KDM2B: variants seen among roughly 807,000 people sequenced by gnomAD.
The protein encoded by KDM2B is lysine-specific demethylase 2B.
KDM2B carries 26 observed loss-of-function variants against 150.0 expected under a neutral mutation model. The observed-to-expected ratio is 0.17, with a 90% CI of 0.13 to 0.24. KDM2B has a LOEUF of 0.24. Ranked by LOEUF, KDM2B falls within the 10% of genes least tolerant of loss-of-function variation. KDM2B has a pLI of 1.00. For missense variants in KDM2B, 1,265 were observed against 1,816.9 expected, an observed-to-expected ratio of 0.70 and a Z score of 5.52; for synonymous variants, 734 against 729.5, an observed-to-expected ratio of 1.01 and a Z score of -0.10.
rs1319854183 is a variant in KDM2B at position 121,467,388 on chromosome 12, G to C, written c.1735-14044C>G. 2.0e-6 allele frequency: 2 copies of C among 975,782 alleles called. No homozygotes were observed. Among genetic ancestry groups the C allele is most frequent in the Admixed American group, 1.3e-4 (2 of 15,816 alleles). 60.4% of individuals were successfully genotyped at this position (975,782 alleles called of 1,614,324 possible). A position where few individuals can be genotyped will look rare whatever the true frequency, so the allele number is the denominator to read the frequency against. On this transcript the variant is annotated intron_variant, in intron 12 of 22. Transcript: ENST00000377071. The surrounding 1 kb of genome is among the most constrained non-coding windows in gnomAD (Gnocchi z 5.1). ...CTCGCACGCCCGCGCTGGAGGGGGC[G>C]GGGAGGGGCCGGCGGGGGAGGGCCG...
At chr12:121,571,187 A>C (rs1171451149) in intron 4 of KDM2B, among the ~76,000 whole-genome samples, 1 of 152,214 alleles carries the variant, frequency 6.6e-6, no homozygotes, top group East Asian at 1.9e-4. Context: ...TCTAACAGCG[A>C]TGGGGGAATT....
intron 11 of KDM2B, among the ~76,000 whole-genome samples, chr12:121,508,416 C>A (rs1885288005): frequency 6.6e-6 from 1 of 152,142 alleles, no homozygotes; most frequent in Non-Finnish European, 1.5e-5. Flanking sequence ...ATATCTTTAT[C>A]CCAGGCCCAA....
Position 121,478,869 on chromosome 12 carries a change from TG to T in KDM2B, c.1734+15709del, listed in dbSNP as rs1881721406. Among the ~76,000 whole-genome samples, 3 of 141,788 alleles carry T rather than the reference TG, an allele frequency of 2.1e-5. 1 individual carries two copies. The highest frequency in any genetic ancestry group is 8.0e-5 in the African/African-American group (3 of 37,422). 93.0% of individuals were successfully genotyped at this position (141,788 alleles called of 152,430 possible). A position where few individuals can be genotyped will look rare whatever the true frequency, so the allele number is the denominator to read the frequency against. The stretch of plus-strand genomic sequence containing the variant: ...CAACCGGCTAATTTTTGTTTGTTTG[TG>T]TGTGTGTGTGTGTGTGTGTGTGTGT... On this transcript the variant is annotated intron_variant, in intron 12 of 22. Transcript: ENST00000377071.
At chr12:121,495,523 C>A (rs976367115) in intron 11 of KDM2B, among the ~76,000 whole-genome samples, 1 of 152,210 alleles carries the variant, frequency 6.6e-6, no homozygotes, top group African/African-American at 2.4e-5. Flanking sequence ...TTGTCTCAAA[C>A]TCCTGGCCTC....
chr12:121,437,591 A>G (rs1426553956), intron 22 of KDM2B, among the ~76,000 whole-genome samples: 1 of 152,230 alleles, frequency 6.6e-6, no homozygotes, highest in African/African-American at 2.4e-5. Context: ...AAACACTGGA[A>G]GAAAGAATTC....
intron 12 of KDM2B, among the ~76,000 whole-genome samples, chr12:121,454,118 TG>T (rs538839932): frequency 1.9e-4 from 29 of 149,024 alleles, no homozygotes; most frequent in African/African-American, 7.2e-4. Flanking sequence ...CCACCTGCAC[TG>T]GGTTCAGGGC....
chr12:121,504,824 T>C (rs1884899993), intron 11 of KDM2B, among the ~76,000 whole-genome samples: 1 of 151,698 alleles, frequency 6.6e-6, no homozygotes, highest in Non-Finnish European at 1.5e-5. Context: ...ACTTAAAATA[T>C]AAAAATTAGC....
chr12:121,467,254 A>T lies in KDM2B; in HGVS notation c.1735-13910T>A, dbSNP rs1406539766. The T allele has an allele frequency of 3.0e-6, 3 of 986,608 alleles. No homozygotes were observed. The highest frequency in any genetic ancestry group is 3.6e-6 in the Non-Finnish European group (3 of 832,738). The allele number at this position is 986,608 out of a possible 1,614,324, so 61.1% of individuals were successfully genotyped here. On this transcript the variant is annotated intron_variant, in intron 12 of 22. Transcript: ENST00000377071. This position sits in a 1 kb window ranked among gnomAD's most constrained non-coding sequence, Gnocchi z 5.1. ...GGCTCGCGCGCGCTGACATGGCTGG[A>T]GCGGCGCCGCCGCCGCCGCCCGCCC...
chr12:121,413,012 C>T, the KDM2B span, among the ~76,000 whole-genome samples: 1 of 145,362 alleles, frequency 6.9e-6, no homozygotes, highest in South Asian at 2.2e-4. Context: ...AGCCATTGTG[C>T]CCAGGCTATT....
chr12:121,462,309 T>G (rs1296532792), intron 12 of KDM2B, among the ~76,000 whole-genome samples: 1 of 152,034 alleles, frequency 6.6e-6, no homozygotes, highest in Non-Finnish European at 1.5e-5. Flanking sequence ...TTTTTTAATA[T>G]AGAGAGAGTA....
intron 12 of KDM2B, among the ~76,000 whole-genome samples, chr12:121,457,241 A>G (rs184274092): frequency 4.1e-4 from 62 of 152,246 alleles, no homozygotes; most frequent in South Asian, 1.5e-3. Flanking sequence ...AAAGTTTCAA[A>G]CGCCAATTCT....
At chr12:121,580,258 G>C (rs1473857563) in intron 1 of KDM2B, 17 of 1,267,200 alleles carry the variant, frequency 1.3e-5, no homozygotes, top group South Asian at 5.4e-5. Flanking sequence ...GTTGTGGGGG[G>C]GGGGAGGCGT....
chr12:121,504,860 T>C (rs1555302673), intron 11 of KDM2B, among the ~76,000 whole-genome samples: 1 of 152,110 alleles, frequency 6.6e-6, no homozygotes, highest in East Asian at 1.9e-4. Context: ...CTCACGCCTG[T>C]AATCCCAGCA....
At chr12:121,459,832 GA>G (rs1205908155) in intron 12 of KDM2B, among the ~76,000 whole-genome samples, 53 of 113,518 alleles carry the variant, frequency 4.7e-4, no homozygotes, top group South Asian at 8.5e-4. Context: ...CTCCATCTCA[GA>G]AAAAAAAAAA....
chr12:121,453,033 GGCGGCCAGAGCGAGCA>G lies in KDM2B; in HGVS notation c.1959+71_1959+86del. ...GCCCCGGCTTCTCTGTGTGCGGAGG[GGCGGCCAGAGCGAGCA>G]GCGGTCAGACACGCGGGCCGGCACG... On this transcript the variant is annotated intron_variant, in intron 13 of 22. Coordinates refer to ENST00000377071, the MANE Select transcript of KDM2B (RefSeq NM_032590.5). This position sits in a 1 kb window ranked among gnomAD's most constrained non-coding sequence, Gnocchi z 6.4. The G allele has an allele frequency of 8.3e-7, 1 of 1,199,610 alleles. No homozygotes were observed. The highest frequency in any genetic ancestry group is 2.6e-5 in the East Asian group (1 of 38,472). The allele number at this position is 1,199,610 out of a possible 1,614,324, so 74.3% of individuals were successfully genotyped here.
chr12:121,458,838 A>C (rs1234771598), intron 12 of KDM2B, among the ~76,000 whole-genome samples: 1 of 152,036 alleles, frequency 6.6e-6, no homozygotes, highest in Non-Finnish European at 1.5e-5. Context: ...CTGTAATCCC[A>C]GCACTTTGGG....
intron 11 of KDM2B, among the ~76,000 whole-genome samples, chr12:121,496,334 G>A (rs1011240656): frequency 4.6e-5 from 7 of 151,960 alleles, no homozygotes; most frequent in South Asian, 2.1e-4. Flanking sequence ...CATTTTTTCC[G>A]GACATTTAAG....
At chr12:121,531,584 CAG>C (rs1887663175) in intron 8 of KDM2B, among the ~76,000 whole-genome samples, 1 of 152,212 alleles carries the variant, frequency 6.6e-6, no homozygotes, top group Non-Finnish European at 1.5e-5. Flanking sequence ...CACTACCTAA[CAG>C]AGCAAGTTAT....
chr12:121,509,538 G>T, intron 11 of KDM2B, 29 bp downstream of exon 11: 1 of 1,600,160 alleles, frequency 6.2e-7, no homozygotes, highest in South Asian at 1.1e-5. Flanking sequence ...CTCCTCGGCC[G>T]CCCAGCCCCA....
Sources: allele counts gnomAD v4.1 joint callset (sites outside exome capture counted in the v4.1 genomes callset), GRCh38; gene constraint gnomAD v4.1.1; non-coding constraint Gnocchi (gnomAD v3.1); transcripts MANE v1.5; gene names NCBI Gene and HGNC (gene_info 2026-07-23, HGNC 2026-07-21).